The following LRP1B variants were observed in gnomAD, a reference collection of about 807,000 sequenced individuals.
The protein encoded by LRP1B is LDL receptor related protein 1B.
Under a neutral mutation model 556.6 loss-of-function variants are expected in LRP1B, and 217 were observed. That is an observed-to-expected ratio of 0.39 (90% CI 0.35 to 0.44). The LOEUF is 0.44. Among genes scored for constraint, LRP1B ranks in the 20% least tolerant of loss-of-function variants. The probability of loss-of-function intolerance (pLI) is 1.00; values close to 1 mark genes in which losing one functional copy is unlikely to be tolerated. For synonymous variants in LRP1B, 2,047 were observed against 1,865.8 expected, an observed-to-expected ratio of 1.10 and a Z score of -2.50; for missense variants, 5,053 against 5,620.8, an observed-to-expected ratio of 0.90 and a Z score of 3.23.
In LRP1B at chr2:140,502,987, A is replaced by G; in HGVS notation, c.8638T>C (p.Leu2880=). ...DCPDHSDEAP[L]NPKCKSAEQS... ...CCTGCACTTTTACACTTTGGGTTTAAAGGTGCTTCATCAGAATGGTCAGGA... is the reference window on the plus strand; with the variant it reads ...CCTGCACTTTTACACTTTGGGTTTAGAGGTGCTTCATCAGAATGGTCAGGA... Residue 2880 remains leucine, a synonymous_variant, in exon 54 of 91, where the codon TTA becomes CTA. Transcript: ENST00000389484. The G allele has an allele frequency of 6.2e-7, 1 of 1,613,298 alleles. No individual in the cohort carries two copies. The highest frequency in any genetic ancestry group is 1.1e-5 in the South Asian group (1 of 91,052).
intron 1 of LRP1B, among the ~76,000 whole-genome samples, chr2:141,948,959 C>T (rs370410354): frequency 8.5e-5 from 13 of 152,080 alleles, no homozygotes; most frequent in African/African-American, 1.4e-4. Flanking sequence ...AAATCACACA[C>T]GCAAATATAC....
intron 7 of LRP1B, among the ~76,000 whole-genome samples, chr2:141,107,958 G>A (rs1700649470): frequency 6.6e-6 from 1 of 152,070 alleles, no homozygotes; most frequent in Non-Finnish European, 1.5e-5. Flanking sequence ...AAAAAGTATG[G>A]TGCTACCAAG....
intron 77 of LRP1B, among the ~76,000 whole-genome samples, chr2:140,339,425 T>G (rs2105093311): frequency 6.6e-6 from 1 of 151,888 alleles, no homozygotes; most frequent in East Asian, 1.9e-4. Context: ...TTACACAGGA[T>G]ACATTGAGGT....
intron 7 of LRP1B, among the ~76,000 whole-genome samples, chr2:141,086,660 C>G (rs902529200): frequency 2.4e-4 from 33 of 134,850 alleles, no homozygotes; most frequent in African/African-American, 8.7e-4. Flanking sequence ...GTGTGTGTGT[C>G]AGTCAAGAAC....
At chr2:141,796,380 A>T (rs1009605628) in intron 2 of LRP1B, among the ~76,000 whole-genome samples, 4 of 152,030 alleles carry the variant, frequency 2.6e-5, no homozygotes, top group African/African-American at 9.7e-5. Context: ...CAATGAAGGT[A>T]TCATTAATAT....
chr2:140,678,742 T>C (rs1191272243), intron 41 of LRP1B, among the ~76,000 whole-genome samples: 5 of 150,842 alleles, frequency 3.3e-5, no homozygotes, highest in South Asian at 2.1e-4. Flanking sequence ...TGTTGGCAAG[T>C]GTGATTTCTT....
chr2:140,562,794 T>C (rs1231329379), intron 43 of LRP1B, among the ~76,000 whole-genome samples: 3 of 151,966 alleles, frequency 2.0e-5, no homozygotes, highest in Admixed American at 2.0e-4. Flanking sequence ...TTTTGTATTT[T>C]TAGTAGAGAT....
At chr2:141,235,322 C>G (rs1402249180) in intron 5 of LRP1B, among the ~76,000 whole-genome samples, 1 of 151,696 alleles carries the variant, frequency 6.6e-6, no homozygotes, top group African/African-American at 2.4e-5. Context: ...TAAGACAGTC[C>G]GCCTTCAAGA....
At chr2:141,016,256 C>G (rs938804380) in intron 12 of LRP1B, among the ~76,000 whole-genome samples, 2 of 152,016 alleles carry the variant, frequency 1.3e-5, no homozygotes, top group Non-Finnish European at 2.9e-5. Context: ...TGGGTCATTA[C>G]TATTTTAAAT....
intron 1 of LRP1B, among the ~76,000 whole-genome samples, chr2:141,811,982 G>T (rs1696372846): frequency 6.6e-6 from 1 of 152,070 alleles, no homozygotes; most frequent in South Asian, 2.1e-4. Context: ...TGGAATATAG[G>T]ACATTTCAGG....
chr2:140,348,941 T>C (rs1681825297), intron 77 of LRP1B, among the ~76,000 whole-genome samples: 1 of 152,124 alleles, frequency 6.6e-6, no homozygotes, highest in Admixed American at 6.6e-5. Flanking sequence ...GAATAGAGTG[T>C]GTGGGGGATT....
At chr2:140,292,339 T>C (rs192599347) in intron 84 of LRP1B, among the ~76,000 whole-genome samples, 1 of 152,270 alleles carries the variant, frequency 6.6e-6, no homozygotes, top group Non-Finnish European at 1.5e-5. Flanking sequence ...ACATTACACA[T>C]GTTTACTGAG....
At chr2:141,629,064 C>G (rs1688812143) in intron 2 of LRP1B, among the ~76,000 whole-genome samples, 1 of 152,154 alleles carries the variant, frequency 6.6e-6, no homozygotes, top group Admixed American at 6.5e-5. Flanking sequence ...AGATCACACT[C>G]CATATGAGAC....
chr2:141,785,900 AG>A (rs1695417835), intron 2 of LRP1B, among the ~76,000 whole-genome samples: 1 of 151,924 alleles, frequency 6.6e-6, no homozygotes, highest in Non-Finnish European at 1.5e-5. Flanking sequence ...CAGAATTTTG[AG>A]GTGGCTTCAG....
intron 7 of LRP1B, among the ~76,000 whole-genome samples, chr2:141,128,827 T>G (rs1701281131): frequency 6.6e-6 from 1 of 152,164 alleles, no homozygotes; most frequent in African/African-American, 2.4e-5. Flanking sequence ...AACATTACAT[T>G]TGAAGAACAA....
chr2:141,371,900 C>T (rs902416780), intron 3 of LRP1B, among the ~76,000 whole-genome samples: 5 of 152,044 alleles, frequency 3.3e-5, no homozygotes, highest in Admixed American at 1.3e-4. Flanking sequence ...ATTTCCAGTA[C>T]TATCTTGCAC....
At chr2:140,981,272 C>T (rs937706761) in intron 18 of LRP1B, among the ~76,000 whole-genome samples, 1 of 151,848 alleles carries the variant, frequency 6.6e-6, no homozygotes, top group African/African-American at 2.4e-5. Context: ...ATATAATAAA[C>T]AGAAGGGTTA....
At chr2:140,839,871 C>T (rs185692046) in intron 31 of LRP1B, 120 bp downstream of exon 31, 4 of 698,600 alleles carry the variant, frequency 5.7e-6, no homozygotes, top group African/African-American at 5.5e-5. Context: ...TGGTCAGTTC[C>T]TGAATTTACT....
At chr2:140,254,299 A>ATATAT in intron 86 of LRP1B, among the ~76,000 whole-genome samples, 2 of 152,154 alleles carry the variant, frequency 1.3e-5, no homozygotes, top group Non-Finnish European at 2.9e-5. Flanking sequence ...TGTTATTACA[A>ATATAT]GGTTTTGAGT....
Sources: allele counts gnomAD v4.1 joint callset (sites outside exome capture counted in the v4.1 genomes callset), GRCh38; gene constraint gnomAD v4.1.1; transcripts MANE v1.5; gene names NCBI Gene and HGNC (gene_info 2026-07-23, HGNC 2026-07-21).